The following CSMD1 variants were observed in gnomAD, a reference collection of about 807,000 sequenced individuals.
CSMD1 encodes CUB and Sushi multiple domains 1, also known as CUB and sushi domain-containing protein 1.
A neutral mutation model predicts 417.5 loss-of-function variants in CSMD1; 213 were observed. The observed-to-expected ratio is 0.51, with a 90% CI of 0.46 to 0.57. The LOEUF (loss-of-function observed/expected upper bound fraction) is 0.57. CSMD1 is among the 20% of genes least tolerant of loss of function. The probability of loss-of-function intolerance (pLI) is 0.00; values close to 1 mark genes in which losing one functional copy is unlikely to be tolerated. For synonymous variants in CSMD1, 2,862 were observed against 1,736.8 expected (o/e 1.65, Z -16.11); for missense variants, 6,923 against 4,529.7 (o/e 1.53, Z -15.17).
intron 3 of CSMD1, among the ~76,000 whole-genome samples, chr8:4,273,867 G>A (rs1186856602): frequency 3.9e-5 from 6 of 152,100 alleles, no homozygotes; most frequent in African/African-American, 7.2e-5. Context: ...TACTTGCTGT[G>A]CTTAACATGG....
Position 4,118,410 on chromosome 8 carries a change from A to T in CSMD1, c.416-86311T>A, listed in dbSNP as rs376767768. Among the ~76,000 whole-genome samples the T allele has an allele frequency of 3.1e-3, 471 of 152,264 alleles. 2 individuals are homozygous for T. Among genetic ancestry groups the T allele is most frequent in the Admixed American group, 6.0e-3 (92 of 15,292 alleles). The stretch of plus-strand genomic sequence containing the variant: ...GAACTTAAAGAAATTTACAAAAAAA[A>T]AAAATCAAAAAGTATACAAAGGATA... On this transcript the variant is annotated intron_variant, in intron 3 of 69. Coordinates refer to ENST00000635120, the MANE Select transcript of CSMD1 (RefSeq NM_033225.6).
intron 5 of CSMD1, among the ~76,000 whole-genome samples, chr8:3,921,064 T>C (rs188218242): frequency 1.3e-5 from 2 of 152,302 alleles, no homozygotes; most frequent in Admixed American, 1.3e-4. Context: ...TCTTTAAATG[T>C]TCGATAAAAT....
intron 6 of CSMD1, among the ~76,000 whole-genome samples, chr8:3,711,875 T>C (rs918022415): frequency 1.3e-5 from 2 of 152,130 alleles, no homozygotes; most frequent in Non-Finnish European, 2.9e-5. Flanking sequence ...TCAACGCAAA[T>C]GTCACTCACC....
chr8:3,527,850 G>A (rs1039310429), intron 10 of CSMD1, among the ~76,000 whole-genome samples: 3 of 152,202 alleles, frequency 2.0e-5, no homozygotes, highest in African/African-American at 4.8e-5. Flanking sequence ...TCTTAACAGA[G>A]AGATACATTT....
chr8:4,535,075 T>C (rs1204258718), intron 2 of CSMD1, among the ~76,000 whole-genome samples: 3 of 152,212 alleles, frequency 2.0e-5, no homozygotes, highest in Non-Finnish European at 4.4e-5. Context: ...TATTTCTTTA[T>C]GTGTTTTCTC....
intron 1 of CSMD1, among the ~76,000 whole-genome samples, chr8:4,911,253 G>C (rs1227748575): frequency 6.6e-6 from 1 of 152,126 alleles, no homozygotes; most frequent in Non-Finnish European, 1.5e-5. Flanking sequence ...AATGACCTTT[G>C]TCCACCAGTC....
chr8:4,860,535 T>G (rs2116871537), intron 1 of CSMD1, among the ~76,000 whole-genome samples: 1 of 152,210 alleles, frequency 6.6e-6, no homozygotes, highest in East Asian at 1.9e-4. Context: ...CGCTGGAACT[T>G]GAGCAGATGC....
At chr8:3,782,893 A>AAAAT (rs1563074843) in intron 5 of CSMD1, among the ~76,000 whole-genome samples, 3 of 152,330 alleles carry the variant, frequency 2.0e-5, no homozygotes, top group Admixed American at 6.5e-5. Context: ...CCATTACCAA[A>AAAAT]AAATAAATAA....
At chr8:4,189,522 GATCA>G (rs1325378377) in intron 3 of CSMD1, among the ~76,000 whole-genome samples, 1 of 152,080 alleles carries the variant, frequency 6.6e-6, no homozygotes, top group East Asian at 1.9e-4. Context: ...ATATATTAAA[GATCA>G]ATCAACTTTA....
At chr8:4,708,986 G>C (rs573354994) in intron 1 of CSMD1, among the ~76,000 whole-genome samples, 3 of 152,176 alleles carry the variant, frequency 2.0e-5, no homozygotes, top group African/African-American at 7.2e-5. Flanking sequence ...CTCGATCTTG[G>C]GCTTCCAACC....
intron 1 of CSMD1, among the ~76,000 whole-genome samples, chr8:4,861,085 A>T (rs958995487): frequency 6.6e-6 from 1 of 152,062 alleles, no homozygotes; most frequent in Non-Finnish European, 1.5e-5. Context: ...CCAGAATCTT[A>T]TCTTATTTTT....
chr8:4,182,916 G>T (rs147623070), intron 3 of CSMD1, among the ~76,000 whole-genome samples: 4 of 151,998 alleles, frequency 2.6e-5, no homozygotes, highest in Non-Finnish European at 4.4e-5. Flanking sequence ...AATTGAAGAC[G>T]GTGGATAGAA....
At chr8:2,953,514 T>C (rs756243599) in intron 65 of CSMD1, among the ~76,000 whole-genome samples, 1 of 150,954 alleles carries the variant, frequency 6.6e-6, no homozygotes, top group African/African-American at 2.4e-5. Flanking sequence ...AGTGATCTTA[T>C]ATATTTACAA....
intron 1 of CSMD1, among the ~76,000 whole-genome samples, chr8:4,753,596 T>C (rs975194181): frequency 1.3e-5 from 2 of 152,216 alleles, no homozygotes; most frequent in African/African-American, 4.8e-5. Context: ...CCCATGAACC[T>C]GACATCCTCA....
intron 3 of CSMD1, among the ~76,000 whole-genome samples, chr8:4,362,488 A>C (rs1479161494): frequency 6.6e-6 from 1 of 152,070 alleles, no homozygotes; most frequent in African/African-American, 2.4e-5. Flanking sequence ...TCTTCAGAGA[A>C]CTCTTCCTCA....
intron 53 of CSMD1, among the ~76,000 whole-genome samples, chr8:2,999,191 G>C (rs140613279): frequency 0.021 from 2,545 of 118,406 alleles, 81 homozygotes; most frequent in African/African-American, 0.076. Flanking sequence ...GTCTTGGTCT[G>C]TCACCCAGGC....
chr8:3,405,806 C>G (rs1205370329), intron 15 of CSMD1, among the ~76,000 whole-genome samples: 1 of 152,120 alleles, frequency 6.6e-6, no homozygotes, highest in Admixed American at 6.5e-5. Context: ...CAGATCCTCC[C>G]TCAGAGTTCC....
chr8:4,590,483 A>C (rs1260969326), intron 2 of CSMD1, among the ~76,000 whole-genome samples: 3 of 152,228 alleles, frequency 2.0e-5, no homozygotes, highest in African/African-American at 7.2e-5. Context: ...GAATGTAAAT[A>C]AAATTTATAG....
intron 4 of CSMD1, among the ~76,000 whole-genome samples, chr8:4,022,096 C>CACAT (rs1554518693): frequency 5.5e-5 from 8 of 145,210 alleles, no homozygotes; most frequent in Admixed American, 3.5e-4. Flanking sequence ...CACACACACA[C>CACAT]ATATATATAT....
Sources: gnomAD v4.1 joint callset for allele counts (sites outside exome capture counted in the v4.1 genomes callset) on GRCh38, gnomAD v4.1.1 for gene constraint, MANE v1.5 for transcripts, NCBI Gene and HGNC (gene_info 2026-07-23, HGNC 2026-07-21) for gene names.